APIP: variants seen among roughly 807,000 people sequenced by gnomAD.
APIP encodes the protein methylthioribulose-1-phosphate dehydratase.
In APIP, 32 loss-of-function variants were observed where a neutral mutation model predicts 32.0. The observed-to-expected ratio is 1.00, with a 90% confidence interval of 0.76 to 1.34. The LOEUF is 1.34. Ranked by LOEUF, APIP falls within the 40% of genes most tolerant of loss-of-function variation. The probability of loss-of-function intolerance (pLI) is 0.00; values close to 1 mark genes in which losing one functional copy is unlikely to be tolerated. For missense variants in APIP, 247 were observed against 298.6 expected, an observed-to-expected ratio of 0.83 and a Z score of 1.27; for synonymous variants, 92 against 94.8, an observed-to-expected ratio of 0.97 and a Z score of 0.17.
At chr11:34,883,278 T>C (rs542086947) in intron 6 of APIP, 59 bp downstream of exon 6, 3 of 1,499,862 alleles carry the variant, frequency 2.0e-6, no homozygotes, top group East Asian at 4.7e-5. Context: ...ACATACTTTG[T>C]TTTCCTTCAC....
intron 2 of APIP, among the ~76,000 whole-genome samples, chr11:34,891,181 A>G (rs769916451): frequency 6.6e-6 from 1 of 152,170 alleles, no homozygotes; most frequent in Non-Finnish European, 1.5e-5. Context: ...AAAATATCAG[A>G]ATGGCTACAT....
In APIP at chr11:34,916,150, T is replaced by C. The variant is rs2016814; in HGVS notation, c.57+78A>G. Reference sequence around the variant, plus strand: ...CAGCTAAACGCCCGGCCCGCTACCCTGCGCCCAGCTCCAGCCGCCGGGTCC... The same window carrying C: ...CAGCTAAACGCCCGGCCCGCTACCCCGCGCCCAGCTCCAGCCGCCGGGTCC... On this transcript the variant is annotated intron_variant, in intron 1 of 6. Transcript: ENST00000395787. 1,225,292 of 1,543,634 alleles carry C rather than the reference T, an allele frequency of 0.79. 487,612 individuals carry two copies. The highest frequency in any genetic ancestry group is 0.82 in the East Asian group (33,831 of 41,138).
intron 1 of APIP, among the ~76,000 whole-genome samples, chr11:34,908,928 T>G (rs1465015395): frequency 2.0e-5 from 3 of 150,474 alleles, no homozygotes; most frequent in African/African-American, 5.0e-5. Flanking sequence ...ATTTCATGGA[T>G]GATTGAAAAC....
chr11:34,899,843 C>A (rs566903163), intron 1 of APIP, among the ~76,000 whole-genome samples: 20 of 152,322 alleles, frequency 1.3e-4, no homozygotes, highest in Non-Finnish European at 2.6e-4. Context: ...CCACTGTTTT[C>A]TTCTCCACCC....
At chr11:34,906,999 C>T (rs370543737) in intron 1 of APIP, among the ~76,000 whole-genome samples, 3 of 152,118 alleles carry the variant, frequency 2.0e-5, no homozygotes, top group African/African-American at 2.4e-5. Context: ...GCCATTCTTC[C>T]GAGGACCCTT....
chr11:34,908,431 C>T (rs1047793655), intron 1 of APIP, among the ~76,000 whole-genome samples: 2 of 152,196 alleles, frequency 1.3e-5, no homozygotes, highest in Non-Finnish European at 2.9e-5. Flanking sequence ...CCTTGGTCTT[C>T]GTTTCATTCT....
At chr11:34,916,044 G>C in intron 1 of APIP, 184 bp downstream of exon 1, 1 of 743,196 alleles carries the variant, frequency 1.3e-6, no homozygotes, top group South Asian at 1.9e-5. Context: ...CTGATCTCCT[G>C]GGGCCTCGCA....
chr11:34,902,989 T>C (rs1474285354), intron 1 of APIP, among the ~76,000 whole-genome samples: 1 of 102,682 alleles, frequency 9.7e-6, no homozygotes, highest in African/African-American at 6.4e-5. Context: ...TTTAACTGTT[T>C]ATAATCCTGG....
intron 1 of APIP, among the ~76,000 whole-genome samples, chr11:34,907,056 C>T (rs181061684): frequency 6.6e-6 from 1 of 152,178 alleles, no homozygotes; most frequent in Non-Finnish European, 1.5e-5. Context: ...CACTTGATGT[C>T]CCTTTTCGGC....
intron 1 of APIP, among the ~76,000 whole-genome samples, chr11:34,897,207 T>C (rs2133913168): frequency 6.6e-6 from 1 of 152,344 alleles, no homozygotes; most frequent in Non-Finnish European, 1.5e-5. Context: ...AACTTCAAAA[T>C]ATAAAATTAA....
intron 1 of APIP, among the ~76,000 whole-genome samples, chr11:34,903,603 G>A (rs1590711866): frequency 6.6e-6 from 1 of 152,330 alleles, no homozygotes; most frequent in East Asian, 1.9e-4. Context: ...TAGCAGTGAT[G>A]CATTGCAAGG....
intron 3 of APIP, among the ~76,000 whole-genome samples, chr11:34,889,695 C>A (rs994452981): frequency 6.6e-6 from 1 of 152,026 alleles, no homozygotes; most frequent in Non-Finnish European, 1.5e-5. Flanking sequence ...ACTGTATGTA[C>A]TCAATGTTTA....
Position 34,907,500 on chromosome 11 carries a change from C to A in APIP, c.57+8728G>T, listed in dbSNP as rs143709276. 1.2e-4 allele frequency among the ~76,000 whole-genome samples: 19 copies of A among 152,220 alleles called. No individual in the cohort carries two copies. In the East Asian group the frequency reaches 3.5e-3, roughly 28 times the overall value. ...GTTAATACATTTTCAATCCTTGAGA[C>A]CCATAAAATTAAAATTTCAAAGAGA... On this transcript the variant is annotated intron_variant, in intron 1 of 6. Coordinates refer to ENST00000395787, the MANE Select transcript of APIP (RefSeq NM_015957.4).
At chr11:34,884,314 T>C (rs138903022) in intron 5 of APIP, among the ~76,000 whole-genome samples, 46 of 152,324 alleles carry the variant, frequency 3.0e-4, no homozygotes, top group African/African-American at 1.1e-3. Context: ...ATTGCTACTG[T>C]AGGGCAAGCA....
At chr11:34,895,288 T>C (rs557144391) in intron 1 of APIP, among the ~76,000 whole-genome samples, 178 bp from the exon 2 acceptor site, 1 of 152,174 alleles carries the variant, frequency 6.6e-6, no homozygotes, top group Non-Finnish European at 1.5e-5. Context: ...AGAAAGTGGA[T>C]CTACTACATT....
chr11:34,910,590 A>G (rs1347723925), intron 1 of APIP, among the ~76,000 whole-genome samples: 7 of 152,204 alleles, frequency 4.6e-5, no homozygotes, highest in African/African-American at 1.2e-4. Context: ...AAAGGTAAAG[A>G]TGCAGGTAAG....
chr11:34,897,477 T>G (rs75329298), intron 1 of APIP, among the ~76,000 whole-genome samples: 62 of 151,720 alleles, frequency 4.1e-4, no homozygotes, highest in African/African-American at 1.5e-3. Context: ...ATAGCAAAAC[T>G]ATTATAGGAG....
At chr11:34,911,551 G>T (rs1344350427) in intron 1 of APIP, among the ~76,000 whole-genome samples, 2 of 152,090 alleles carry the variant, frequency 1.3e-5, no homozygotes, top group Admixed American at 1.3e-4. Flanking sequence ...TGTTTATTTG[G>T]TCTACGCAAT....
At chr11:34,907,085 G>A (rs1379541627) in intron 1 of APIP, among the ~76,000 whole-genome samples, 1 of 152,146 alleles carries the variant, frequency 6.6e-6, no homozygotes, top group African/African-American at 2.4e-5. Context: ...GCCAGAAAGA[G>A]TTCTTGCCCA....
Sources: allele counts gnomAD v4.1 joint callset (sites outside exome capture counted in the v4.1 genomes callset), GRCh38; gene constraint gnomAD v4.1.1; transcripts MANE v1.5; gene names NCBI Gene and HGNC (gene_info 2026-07-23, HGNC 2026-07-21).